PSMB2: variants seen among roughly 807,000 people sequenced by gnomAD.
PSMB2 encodes the protein proteasome 20S subunit beta 2, also known as proteasome subunit beta type-2.
In PSMB2, 13 loss-of-function variants were observed where a neutral mutation model predicts 25.7. The ratio of observed to expected loss-of-function variants is 0.51; its 90% CI spans 0.33 to 0.80. The LOEUF is 0.80. Among genes scored for constraint, PSMB2 ranks in the 30% least tolerant of loss-of-function variants. The pLI, the probability that PSMB2 is intolerant of heterozygous loss-of-function variation, is 0.02. For missense variants in PSMB2, 202 were observed against 259.0 expected (o/e 0.78, Z 1.51); for synonymous variants, 87 against 96.2 (o/e 0.90, Z 0.56).
rs1159050365 is a variant in PSMB2, at chr1:35,628,595, AAATATATATATAT to A, written c.285+2666_285+2678del. Among the ~76,000 whole-genome samples, 10 of 12,068 alleles carry A rather than the reference AAATATATATATAT, an allele frequency of 8.3e-4. No individual in the cohort carries two copies. The East Asian group carries it at 0.019, about 23-fold the overall frequency. The allele number at this position is 12,068 out of a possible 152,430, so 7.9% of individuals were successfully genotyped here. On this transcript the variant is annotated intron_variant, in intron 3 of 5. Coordinates refer to ENST00000373237, the MANE Select transcript of PSMB2 (RefSeq NM_002794.5). ...TCTTGGAAGAAAAAAAAAAAAAAAA[AAATATATATATAT>A]ATATATATATATATATATATATATT...
intron 3 of PSMB2, among the ~76,000 whole-genome samples, chr1:35,630,236 CAT>C (rs1386424081): frequency 2.0e-5 from 3 of 152,134 alleles, no homozygotes; most frequent in African/African-American, 7.2e-5. Flanking sequence ...TTCACTAACA[CAT>C]AGAGACTTTC....
intron 3 of PSMB2, among the ~76,000 whole-genome samples, chr1:35,610,058 T>C (rs942671205): frequency 2.6e-5 from 4 of 152,160 alleles, no homozygotes; most frequent in Admixed American, 2.0e-4. Context: ...AAAAAGCAGA[T>C]GCTCCAACCA....
At chr1:35,638,423 T>C (rs1651305079) in intron 1 of PSMB2, among the ~76,000 whole-genome samples, 1 of 152,230 alleles carries the variant, frequency 6.6e-6, no homozygotes, top group African/African-American at 2.4e-5. Flanking sequence ...ACCTTGGTTA[T>C]GATGTGGACT....
chr1:35,640,099 ACTAT>A (rs1651354173), intron 1 of PSMB2, among the ~76,000 whole-genome samples: 2 of 151,880 alleles, frequency 1.3e-5, no homozygotes. Context: ...ACTATACTAT[ACTAT>A]CTATACTAAA....
intron 3 of PSMB2, among the ~76,000 whole-genome samples, chr1:35,625,356 G>A (rs1003255099): frequency 1.3e-5 from 2 of 152,114 alleles, no homozygotes; most frequent in African/African-American, 4.8e-5. Flanking sequence ...AAAATTTCAC[G>A]TTCCCAAGGA....
chr1:35,605,101 C>T, intron 5 of PSMB2, 132 bp downstream of exon 5: 1 of 776,322 alleles, frequency 1.3e-6, no homozygotes, highest in South Asian at 1.8e-5. Context: ...CTGGTAGCAA[C>T]TTCACATCTG....
intron 3 of PSMB2, among the ~76,000 whole-genome samples, chr1:35,620,686 C>T (rs112864961): frequency 0.02 from 3,031 of 151,382 alleles, 90 homozygotes; most frequent in East Asian, 0.062. Context: ...CAAGACTGCG[C>T]CACTGCACTC....
At chr1:35,607,378 G>C (rs552403514) in intron 4 of PSMB2, among the ~76,000 whole-genome samples, 23 of 152,220 alleles carry the variant, frequency 1.5e-4, no homozygotes, top group African/African-American at 5.5e-4. Context: ...CATCTCAACA[G>C]ACATTTCAAA....
intron 3 of PSMB2, among the ~76,000 whole-genome samples, chr1:35,612,370 T>C (rs1650367278): frequency 6.6e-6 from 1 of 151,688 alleles, no homozygotes; most frequent in South Asian, 2.1e-4. Flanking sequence ...TGAGAAAAAA[T>C]AATAACGGTA....
intron 4 of PSMB2, among the ~76,000 whole-genome samples, chr1:35,606,909 T>C (rs1650185725): frequency 6.6e-6 from 1 of 152,130 alleles, no homozygotes; most frequent in South Asian, 2.1e-4. Context: ...ATATCTACAT[T>C]TGACTTTTGA....
intron 3 of PSMB2, among the ~76,000 whole-genome samples, chr1:35,626,761 C>T (rs1021022214): frequency 9.9e-5 from 15 of 152,268 alleles, no homozygotes; most frequent in African/African-American, 3.1e-4. Flanking sequence ...TACTTAATAA[C>T]AGATACATAT....
intron 3 of PSMB2, among the ~76,000 whole-genome samples, chr1:35,609,769 A>G (rs1255999590): frequency 6.6e-6 from 1 of 152,228 alleles, no homozygotes; most frequent in Non-Finnish European, 1.5e-5. Flanking sequence ...ATATTTTAAA[A>G]TAACTAAAAG....
chr1:35,630,190 A>G (rs374075363), intron 3 of PSMB2, among the ~76,000 whole-genome samples: 1 of 152,230 alleles, frequency 6.6e-6, no homozygotes, highest in Non-Finnish European at 1.5e-5. Context: ...AAATAAAAAT[A>G]AAAATAATCT....
At chr1:35,624,504 G>C (rs1373089714) in intron 3 of PSMB2, among the ~76,000 whole-genome samples, 3 of 151,852 alleles carry the variant, frequency 2.0e-5, no homozygotes, top group African/African-American at 7.3e-5. Flanking sequence ...TGTAATCCCA[G>C]TACTTTGGGA....
chr1:35,600,507 C>T lies in PSMB2; in HGVS notation c.*2760G>A. The stretch of plus-strand genomic sequence containing the variant: ...AAACCAAATTTATTCCAAAATAAAA[C>T]ATTTATTAAAAATAAATGATGCCTG... On this transcript the variant is annotated 3_prime_UTR_variant, in exon 6 of 6. Coordinates refer to ENST00000373237, the MANE Select transcript of PSMB2 (RefSeq NM_002794.5). The T allele has an allele frequency of 1.0e-6, 1 of 981,700 alleles. No individual in the cohort carries two copies. Among genetic ancestry groups the T allele is most frequent in the Non-Finnish European group, 1.2e-6 (1 of 826,572 alleles). The allele number at this position is 981,700 out of a possible 1,614,324, so 60.8% of individuals were successfully genotyped here. A position where few individuals can be genotyped will look rare whatever the true frequency, so the allele number is the denominator to read the frequency against.
At chr1:35,616,028 G>A (rs1380991135) in intron 3 of PSMB2, among the ~76,000 whole-genome samples, 2 of 152,132 alleles carry the variant, frequency 1.3e-5, no homozygotes, top group Non-Finnish European at 2.9e-5. Flanking sequence ...AGCACTGAGA[G>A]GATTTCATGA....
chr1:35,600,367 C>T lies in PSMB2; in HGVS notation c.*2900G>A, dbSNP rs1205777863. The stretch of plus-strand genomic sequence containing the variant: ...GAGCTTAGTAATACTAATACACCAA[C>T]CAATGTTGGTTTCTCAGTTTTGACA... On this transcript the variant is annotated 3_prime_UTR_variant, in exon 6 of 6. Transcript: ENST00000373237. 1.2e-6 allele frequency: 1 copy of T among 836,002 alleles called. No individual in the cohort carries two copies. Among genetic ancestry groups the T allele is most frequent in the Admixed American group, 6.2e-5 (1 of 16,050 alleles). The allele number at this position is 836,002 out of a possible 1,614,324, so 51.8% of individuals were successfully genotyped here.
In PSMB2 at chr1:35,603,028, G is replaced by A. The variant is rs764085017; in HGVS notation, c.*239C>T. On this transcript the variant is annotated 3_prime_UTR_variant, in exon 6 of 6. Transcript: ENST00000373237. ...CGTCAGCTGCTAAAGGGTACTGAGC[G>A]TTAATGGAGGGCGGAGCAGGAAGAA... The A allele has an allele frequency of 1.6e-5, 21 of 1,273,078 alleles. No individual in the cohort carries two copies. The highest frequency in any genetic ancestry group is 3.0e-5 in the African/African-American group (2 of 66,062). The allele number at this position is 1,273,078 out of a possible 1,614,324, so 78.9% of individuals were successfully genotyped here.
At chr1:35,613,811 G>A (rs889518767) in intron 3 of PSMB2, among the ~76,000 whole-genome samples, 29 of 152,308 alleles carry the variant, frequency 1.9e-4, no homozygotes, top group Admixed American at 1.6e-3. Context: ...TAATCTCTCT[G>A]AATTTTAATT....
Sources: gnomAD v4.1 joint callset for allele counts (sites outside exome capture counted in the v4.1 genomes callset) on GRCh38, gnomAD v4.1.1 for gene constraint, MANE v1.5 for transcripts, NCBI Gene and HGNC (gene_info 2026-07-23, HGNC 2026-07-21) for gene names.